Variants in AGMO observed in about 807,000 individuals in gnomAD.
AGMO encodes glyceryl-ether monooxygenase.
AGMO carries 75 observed loss-of-function variants against 60.2 expected under a neutral mutation model. The ratio of observed to expected loss-of-function variants is 1.25; its 90% confidence interval spans 1.03 to 1.51. The LOEUF is 1.51. AGMO is among the 40% of genes most tolerant of loss of function. AGMO has a pLI of 0.00. For synonymous variants in AGMO, 261 were observed against 177.1 expected, an observed-to-expected ratio of 1.47 and a Z score of -3.76; for missense variants, 763 against 525.5, an observed-to-expected ratio of 1.45 and a Z score of -4.42.
chr7:15,387,049 C>G, intron 9 of AGMO, among the ~76,000 whole-genome samples: 1 of 152,112 alleles, frequency 6.6e-6, no homozygotes, highest in East Asian at 1.9e-4. Flanking sequence ...TGGCTCATTC[C>G]TAAGGCTCCC....
At chr7:15,396,225 G>A (rs911452086) in intron 5 of AGMO, 1 of 152,486 alleles carries the variant, frequency 6.6e-6, no homozygotes, top group Non-Finnish European at 1.5e-5. Flanking sequence ...CAAGAAAGAA[G>A]CCCCACGGAC....
intron 12 of AGMO, among the ~76,000 whole-genome samples, chr7:15,337,877 G>C (rs957198257): frequency 6.6e-6 from 1 of 152,116 alleles, no homozygotes; most frequent in African/African-American, 2.4e-5. Flanking sequence ...CTAGCAAAAG[G>C]AAGCTTCTCT....
intron 3 of AGMO, among the ~76,000 whole-genome samples, chr7:15,516,012 G>C (rs1200814370): frequency 1.3e-5 from 2 of 152,032 alleles, no homozygotes; most frequent in Non-Finnish European, 2.9e-5. Flanking sequence ...AGTATGTGAG[G>C]TATGATGTAA....
At chr7:15,544,128 C>A (rs980436818) in intron 3 of AGMO, among the ~76,000 whole-genome samples, 12 of 151,558 alleles carry the variant, frequency 7.9e-5, no homozygotes, top group African/African-American at 2.7e-4. Context: ...GAATGGAAAA[C>A]CAAACATCAT....
chr7:15,291,717 C>A (rs1046638952), intron 12 of AGMO, among the ~76,000 whole-genome samples: 45 of 152,100 alleles, frequency 3.0e-4, no homozygotes, highest in Non-Finnish European at 4.0e-4. Flanking sequence ...GGATTCACGG[C>A]CTAGCACAGA....
chr7:15,197,250 A>G (rs1279858960), downstream of AGMO, among the ~76,000 whole-genome samples: 1 of 152,136 alleles, frequency 6.6e-6, no homozygotes, highest in Non-Finnish European at 1.5e-5. Context: ...CTTATTTTCT[A>G]TTGTTCTCCC....
intron 3 of AGMO, among the ~76,000 whole-genome samples, chr7:15,512,227 T>C (rs1243507593): frequency 6.6e-6 from 1 of 152,142 alleles, no homozygotes; most frequent in Non-Finnish European, 1.5e-5. Flanking sequence ...ACAACACTAA[T>C]GATGATGTCT....
intron 2 of AGMO, among the ~76,000 whole-genome samples, chr7:15,550,855 A>G (rs1389528473): frequency 7.1e-6 from 1 of 141,166 alleles, no homozygotes; most frequent in East Asian, 2.0e-4. Flanking sequence ...CCAGGCAGAG[A>G]CACAACCAAA....
At chr7:15,158,069 A>G in the AGMO span, among the ~76,000 whole-genome samples, 1 of 152,246 alleles carries the variant, frequency 6.6e-6, no homozygotes, top group African/African-American at 2.4e-5. Context: ...ATATTTTATG[A>G]CTGTATTGAT....
chr7:15,217,359 C>CTATCTA (rs72525142), intron 12 of AGMO, among the ~76,000 whole-genome samples: 148 of 152,026 alleles, frequency 9.7e-4, no homozygotes, highest in African/African-American at 2.6e-3. Flanking sequence ...ATCTCTCTCT[C>CTATCTA]TCTCTGTGTG....
At chr7:15,305,305 A>G (rs1780580826) in intron 12 of AGMO, among the ~76,000 whole-genome samples, 1 of 151,454 alleles carries the variant, frequency 6.6e-6, no homozygotes. Flanking sequence ...ATAAGGTTTG[A>G]AGATTATCTG....
intron 4 of AGMO, among the ~76,000 whole-genome samples, chr7:15,427,910 A>T (rs2128497319): frequency 6.6e-6 from 1 of 152,260 alleles, no homozygotes; most frequent in African/African-American, 2.4e-5. Context: ...GAAATTCTAG[A>T]AAGTTGAATT....
rs563962869 is a variant in AGMO, at chr7:15,532,598, A to C, written c.409+12174T>G. On this transcript the variant is annotated intron_variant, in intron 3 of 12. Coordinates refer to ENST00000342526, the MANE Select transcript of AGMO (RefSeq NM_001004320.2). The stretch of plus-strand genomic sequence containing the variant: ...TCAATGACTAGTAGGACTGACACAC[A>C]TATTTTGTTTTGCTGTGGCTGATTC... 1.9e-4 allele frequency among the ~76,000 whole-genome samples: 29 copies of C among 152,326 alleles called. No homozygotes were observed. In the South Asian group the frequency reaches 2.3e-3, roughly 12 times the overall value.
In AGMO at chr7:15,310,139, A is replaced by T. The variant is rs111549190; in HGVS notation, c.1263+55375T>A. Among the ~76,000 whole-genome samples, 13 of 152,288 alleles carry T rather than the reference A, an allele frequency of 8.5e-5. 1 individual carries two copies. Among genetic ancestry groups the T allele is most frequent in the African/African-American group, 3.1e-4 (13 of 41,574 alleles). ...CAAACACATAGCAGTGAGGCTGACG[A>T]ACTTGGCACACTTTAAATAGATCAA... On this transcript the variant is annotated intron_variant, in intron 12 of 12. Coordinates refer to ENST00000342526, the MANE Select transcript of AGMO (RefSeq NM_001004320.2).
Position 15,522,723 on chromosome 7 carries a change from G to A in AGMO, c.409+22049C>T, listed in dbSNP as rs563290721. Among the ~76,000 whole-genome samples the A allele has an allele frequency of 8.4e-4, 127 of 152,024 alleles. 2 individuals carry two copies. The Middle Eastern group carries it at 0.014, about 16-fold the overall frequency. On this transcript the variant is annotated intron_variant, in intron 3 of 12. Transcript: ENST00000342526. ...AGATTTATTAAAGATTTAAACATAG[G>A]TCCTCAAACCATAAAAACCCTAGAA...
chr7:15,550,230 G>C (rs1253348249), intron 2 of AGMO, among the ~76,000 whole-genome samples: 1 of 150,566 alleles, frequency 6.6e-6, no homozygotes, highest in East Asian at 2.0e-4. Flanking sequence ...ATCCAAAATT[G>C]ACACCCTAAC....
chr7:15,248,830 G>A (rs1318725878), intron 12 of AGMO, among the ~76,000 whole-genome samples: 1 of 152,218 alleles, frequency 6.6e-6, no homozygotes, highest in Non-Finnish European at 1.5e-5. Flanking sequence ...AGAGCTTAAA[G>A]TGAGGAGGCA....
intron 3 of AGMO, among the ~76,000 whole-genome samples, chr7:15,482,570 T>A (rs1782787798): frequency 6.6e-6 from 1 of 151,974 alleles, no homozygotes; most frequent in African/African-American, 2.4e-5. Context: ...ACCCCAAACA[T>A]TTAAGGAAGA....
intron 2 of AGMO, among the ~76,000 whole-genome samples, chr7:15,553,761 A>G (rs975574455): frequency 1.3e-5 from 2 of 152,166 alleles, no homozygotes; most frequent in African/African-American, 2.4e-5. Context: ...TGAAATTGAA[A>G]TACTTTTCTA....
Sources: gnomAD v4.1 joint callset for allele counts (sites outside exome capture counted in the v4.1 genomes callset) on GRCh38, gnomAD v4.1.1 for gene constraint, MANE v1.5 for transcripts, NCBI Gene and HGNC (gene_info 2026-07-23, HGNC 2026-07-21) for gene names.